Variants in FIG4 observed in about 807,000 individuals in gnomAD.
FIG4 encodes the protein FIG4 phosphoinositide 5-phosphatase, also known as polyphosphoinositide phosphatase.
Under a neutral mutation model 118.6 loss-of-function variants are expected in FIG4, and 112 were observed. The observed-to-expected ratio is 0.94, with a 90% CI of 0.81 to 1.11. The LOEUF is 1.11. FIG4 is among the 50% of genes least tolerant of loss of function. The pLI is 0.00. For missense variants in FIG4, 969 were observed against 1,111.7 expected (o/e 0.87, Z 1.83); for synonymous variants, 369 against 381.2 (o/e 0.97, Z 0.37).
chr6:109,699,118 T>G (rs1444987548), intron 1 of FIG4, among the ~76,000 whole-genome samples: 1 of 152,218 alleles, frequency 6.6e-6, no homozygotes, highest in Non-Finnish European at 1.5e-5. Context: ...TGGGGTGAAT[T>G]TTGATAATGA....
intron 5 of FIG4, among the ~76,000 whole-genome samples, chr6:109,734,428 C>A (rs1776101271): frequency 6.7e-6 from 1 of 149,322 alleles, no homozygotes; most frequent in Admixed American, 6.7e-5. Flanking sequence ...TTTATATATG[C>A]ATATTTATAT....
intron 20 of FIG4, among the ~76,000 whole-genome samples, chr6:109,792,191 C>A (rs2128397411): frequency 6.6e-6 from 1 of 152,328 alleles, no homozygotes; most frequent in South Asian, 2.1e-4. Context: ...GGAATCCAGC[C>A]ATGCCTGTTT....
intron 13 of FIG4, among the ~76,000 whole-genome samples, chr6:109,764,253 A>G (rs920498000): frequency 5.9e-5 from 9 of 152,108 alleles, no homozygotes; most frequent in African/African-American, 1.7e-4. Context: ...CCTGGCTAAC[A>G]TGGTGAAACC....
intron 10 of FIG4, among the ~76,000 whole-genome samples, chr6:109,744,810 G>T (rs1349468802): frequency 1.3e-5 from 2 of 149,670 alleles, no homozygotes; most frequent in East Asian, 4.0e-4. Context: ...CCCCCAACAG[G>T]CCCCAGTGTG....
chr6:109,719,474 C>T (rs1266815015), intron 3 of FIG4, among the ~76,000 whole-genome samples: 1 of 151,978 alleles, frequency 6.6e-6, no homozygotes, highest in Non-Finnish European at 1.5e-5. Context: ...ACCTCAACCT[C>T]CTGGGCTCAA....
chr6:109,787,290 C>A (rs1777999093), intron 18 of FIG4, among the ~76,000 whole-genome samples: 1 of 152,058 alleles, frequency 6.6e-6, no homozygotes, highest in Admixed American at 6.5e-5. Flanking sequence ...TTCACATTTT[C>A]TTCAGATGTG....
intron 22 of FIG4, among the ~76,000 whole-genome samples, chr6:109,804,431 T>A (rs17070980): frequency 0.021 from 3,180 of 152,242 alleles, 103 homozygotes; most frequent in East Asian, 0.12. Context: ...CCTTGTCTTC[T>A]CTGAGCATAT....
At chr6:109,734,760 A>G (rs915479241) in intron 5 of FIG4, among the ~76,000 whole-genome samples, 6 of 152,106 alleles carry the variant, frequency 3.9e-5, no homozygotes, top group African/African-American at 9.7e-5. Context: ...AGGGTACAGA[A>G]CTATGCAGTA....
intron 12 of FIG4, among the ~76,000 whole-genome samples, 181 bp downstream of exon 12, chr6:109,762,388 A>G (rs1325251281): frequency 1.3e-5 from 2 of 151,994 alleles, no homozygotes; most frequent in South Asian, 2.1e-4. Context: ...GTGGTTACCT[A>G]CATACCTTGA....
At chr6:109,735,414 AC>A (rs1166060861) in intron 6 of FIG4, 116 bp downstream of exon 6, 3 of 981,790 alleles carry the variant, frequency 3.1e-6, no homozygotes, top group Non-Finnish European at 4.8e-6. Flanking sequence ...GTTTGTCCTT[AC>A]GTGGGGTTGT....
intron 6 of FIG4, among the ~76,000 whole-genome samples, chr6:109,736,626 A>G (rs1293777019): frequency 1.3e-5 from 2 of 152,182 alleles, no homozygotes; most frequent in African/African-American, 4.8e-5. Context: ...CTGAATTTGA[A>G]TATCTGTTCT....
At chr6:109,747,860 G>A (rs990405098) in intron 10 of FIG4, among the ~76,000 whole-genome samples, 4 of 151,990 alleles carry the variant, frequency 2.6e-5, no homozygotes, top group African/African-American at 7.3e-5. Flanking sequence ...ATCATAGCTC[G>A]CTGCAACCTT....
chr6:109,766,313 T>C (rs960132867), intron 14 of FIG4, among the ~76,000 whole-genome samples: 6 of 152,176 alleles, frequency 3.9e-5, no homozygotes, highest in African/African-American at 1.4e-4. Flanking sequence ...AGCCACCCAG[T>C]TTATGGTGTC....
At chr6:109,706,652 A>G (rs937598821) in intron 1 of FIG4, among the ~76,000 whole-genome samples, 1 of 152,238 alleles carries the variant, frequency 6.6e-6, no homozygotes, top group Admixed American at 6.5e-5. Flanking sequence ...AGTGAAGGAC[A>G]GAAAAGGAAC....
intron 4 of FIG4, among the ~76,000 whole-genome samples, chr6:109,729,596 G>A (rs940052912): frequency 1.3e-5 from 2 of 152,022 alleles, no homozygotes; most frequent in African/African-American, 4.8e-5. Context: ...TCTCGGAACT[G>A]ATGAAAGAGT....
chr6:109,768,683 T>C (rs887626031), intron 15 of FIG4, among the ~76,000 whole-genome samples: 3 of 152,166 alleles, frequency 2.0e-5, no homozygotes, highest in African/African-American at 7.2e-5. Context: ...ATGAGTGTGC[T>C]GGCAAGACTG....
intron 22 of FIG4, among the ~76,000 whole-genome samples, chr6:109,812,902 G>T (rs1215223391): frequency 4.6e-5 from 7 of 152,096 alleles, no homozygotes; most frequent in Non-Finnish European, 7.4e-5. Flanking sequence ...CACTGGACAG[G>T]GTGAATAACT....
intron 16 of FIG4, among the ~76,000 whole-genome samples, chr6:109,781,450 A>C (rs1468211593): frequency 6.6e-6 from 1 of 152,044 alleles, no homozygotes; most frequent in East Asian, 1.9e-4. Flanking sequence ...TGTGGCCCCC[A>C]GATCTGGGTC....
chr6:109,777,688 T>C (rs1358977835), intron 16 of FIG4, among the ~76,000 whole-genome samples: 3 of 152,230 alleles, frequency 2.0e-5, no homozygotes, highest in Non-Finnish European at 4.4e-5. Flanking sequence ...ACCACTTTCA[T>C]GTCCCCACCA....
Sources: allele counts gnomAD v4.1 joint callset (sites outside exome capture counted in the v4.1 genomes callset), GRCh38; gene constraint gnomAD v4.1.1; transcripts MANE v1.5; gene names NCBI Gene and HGNC (gene_info 2026-07-23, HGNC 2026-07-21).